Variants in SPACA7 observed in about 807,000 individuals in gnomAD.
SPACA7 encodes sperm acrosome associated 7.
SPACA7 carries 19 observed loss-of-function variants against 26.3 expected under a neutral mutation model. The ratio of observed to expected loss-of-function variants is 0.72; its 90% CI spans 0.50 to 1.06. SPACA7 has a LOEUF of 1.06. SPACA7 is among the 50% of genes least tolerant of loss of function. The pLI is 0.00. For synonymous variants in SPACA7, 84 were observed against 84.5 expected (o/e 0.99, Z 0.04); for missense variants, 211 against 229.9 (o/e 0.92, Z 0.53).
rs1444703519 is a variant in SPACA7, at chr13:112,376,355, A to G, written c.-31A>G. 6.2e-7 allele frequency: 1 copy of G among 1,604,242 alleles called. No individual in the cohort carries two copies. Among genetic ancestry groups the G allele is most frequent in the African/African-American group, 1.3e-5 (1 of 74,688 alleles). ...CAAGGATGGGAAACTGTCAACCTTC[A>G]GAACGTCCTTCTCCCTCAGCTGGAG... On this transcript the variant is annotated 5_prime_UTR_variant, in exon 1 of 7. Transcript: ENST00000283550.
intron 5 of SPACA7, among the ~76,000 whole-genome samples, chr13:112,417,204 A>T (rs536266673): frequency 6.6e-6 from 1 of 152,232 alleles, no homozygotes; most frequent in South Asian, 2.1e-4. Flanking sequence ...TATAACTTCA[A>T]ATATTCATTC....
At chr13:112,405,010 T>C (rs1430234671) in intron 5 of SPACA7, among the ~76,000 whole-genome samples, 1 of 136,962 alleles carries the variant, frequency 7.3e-6, no homozygotes, top group Non-Finnish European at 1.5e-5. Flanking sequence ...TTTAAGACAG[T>C]CTCGCTGTGT....
At chr13:112,426,797 T>C (rs1390666222) in intron 5 of SPACA7, among the ~76,000 whole-genome samples, 1 of 152,248 alleles carries the variant, frequency 6.6e-6, no homozygotes, top group Non-Finnish European at 1.5e-5. Flanking sequence ...TTGTAGATTC[T>C]TTTGGATTTT....
chr13:112,392,276 C>T (rs1884940421), intron 1 of SPACA7, among the ~76,000 whole-genome samples: 1 of 152,198 alleles, frequency 6.6e-6, no homozygotes, highest in Non-Finnish European at 1.5e-5. Flanking sequence ...CACCCACTCT[C>T]AGGGTCACTC....
chr13:112,409,336 A>G (rs1437844653), intron 5 of SPACA7, among the ~76,000 whole-genome samples: 1 of 152,250 alleles, frequency 6.6e-6, no homozygotes, highest in African/African-American at 2.4e-5. Flanking sequence ...CACCAAAAGC[A>G]ATGGCAACAA....
At chr13:112,381,877 C>T (rs548616579) in intron 1 of SPACA7, among the ~76,000 whole-genome samples, 25 of 152,250 alleles carry the variant, frequency 1.6e-4, no homozygotes, top group African/African-American at 5.5e-4. Flanking sequence ...AGGGCAGGAT[C>T]TGCAAAATAT....
At chr13:112,415,683 G>T (rs1210123713) in intron 5 of SPACA7, among the ~76,000 whole-genome samples, 6 of 152,124 alleles carry the variant, frequency 3.9e-5, no homozygotes, top group Non-Finnish European at 8.8e-5. Context: ...TGTTAAATTG[G>T]GTTGCATCCC....
chr13:112,407,969 A>G (rs1378228950), intron 5 of SPACA7, among the ~76,000 whole-genome samples: 10 of 152,332 alleles, frequency 6.6e-5, no homozygotes, highest in African/African-American at 2.4e-4. Flanking sequence ...AAAAATCCTC[A>G]ATAACACACT....
chr13:112,434,364 C>G lies in SPACA7; in HGVS notation c.524-121C>G. The G allele has an allele frequency of 3.7e-6, 3 of 801,276 alleles. No individual in the cohort carries two copies. The Admixed American group carries it at 6.4e-5, about 17-fold the overall frequency. The allele number at this position is 801,276 out of a possible 1,614,324, so 49.6% of individuals were successfully genotyped here. On this transcript the variant is annotated intron_variant, in intron 6 of 6. Coordinates refer to ENST00000283550, the MANE Select transcript of SPACA7 (RefSeq NM_145248.5). Reference sequence around the variant, plus strand: ...CCCCAGACACATCCGCAGGGCTCTCCCCTCCCTCCACAACTGAGGGCTTGG... The same window carrying G: ...CCCCAGACACATCCGCAGGGCTCTCGCCTCCCTCCACAACTGAGGGCTTGG...
chr13:112,383,108 AAGAAAAGAAAAGAAAAGAAAGAAAGAAAG>A lies in SPACA7; in HGVS notation c.94+6631_94+6659del, dbSNP rs1378194164. On this transcript the variant is annotated intron_variant, in intron 1 of 6. Coordinates refer to ENST00000283550, the MANE Select transcript of SPACA7 (RefSeq NM_145248.5). ...AAAGAAAGAAAGAAAGAAGAAAGAA[AAGAAAAGAAAAGAAAAGAAAGAAAGAAAG>A]AAAGAAAGAAAGAAAGAAAGAAAGA... 6.2e-3 allele frequency among the ~76,000 whole-genome samples: 100 copies of A among 16,106 alleles called. 2 individuals are homozygous for A. The highest frequency in any genetic ancestry group is 0.013 in the African/African-American group (92 of 6,824). The allele number at this position is 16,106 out of a possible 152,430, so 10.6% of individuals were successfully genotyped here. A position where few individuals can be genotyped will look rare whatever the true frequency, so the allele number is the denominator to read the frequency against.
chr13:112,389,971 T>C (rs1884771004), intron 1 of SPACA7, among the ~76,000 whole-genome samples: 1 of 152,262 alleles, frequency 6.6e-6, no homozygotes, highest in Admixed American at 6.5e-5. Context: ...CATCTGGATA[T>C]ATCAAAGCCT....
chr13:112,388,254 C>A (rs1884657169), intron 1 of SPACA7, among the ~76,000 whole-genome samples: 1 of 152,192 alleles, frequency 6.6e-6, no homozygotes, highest in South Asian at 2.1e-4. Context: ...TCCTCAAAAT[C>A]TTCCTGAGTG....
At chr13:112,376,841 G>A (rs1883730140) in intron 1 of SPACA7, among the ~76,000 whole-genome samples, 1 of 152,054 alleles carries the variant, frequency 6.6e-6, no homozygotes, top group Admixed American at 6.6e-5. Flanking sequence ...CTTGTTTGGG[G>A]AGTATTTTAG....
intron 5 of SPACA7, among the ~76,000 whole-genome samples, chr13:112,405,021 C>T (rs532169891): frequency 1.2e-4 from 16 of 134,614 alleles, no homozygotes; most frequent in Admixed American, 3.3e-4. Flanking sequence ...CTCGCTGTGT[C>T]GCCCAGGCAG....
intron 5 of SPACA7, among the ~76,000 whole-genome samples, chr13:112,427,237 G>A (rs374313186): frequency 3.3e-5 from 5 of 152,338 alleles, no homozygotes; most frequent in South Asian, 4.1e-4. Context: ...CAAAAGCAAC[G>A]TGAACAGTGT....
At chr13:112,383,063 A>G (rs1217985914) in intron 1 of SPACA7, among the ~76,000 whole-genome samples, 1 of 149,396 alleles carries the variant, frequency 6.7e-6, no homozygotes, top group Non-Finnish European at 1.5e-5. Flanking sequence ...AAAGAAAGAG[A>G]CAGAAAGAGA....
At chr13:112,433,573 A>G (rs1877411676) in intron 6 of SPACA7, among the ~76,000 whole-genome samples, 1 of 151,576 alleles carries the variant, frequency 6.6e-6, no homozygotes, top group Non-Finnish European at 1.5e-5. Flanking sequence ...GAAGCCGGCC[A>G]GCTCGTCCTT....
chr13:112,398,127 C>T lies in SPACA7; in HGVS notation c.230C>T (p.Ser77Leu). The T allele has an allele frequency of 6.2e-7, 1 of 1,613,302 alleles. No homozygotes were observed. Among genetic ancestry groups the T allele is most frequent in the Non-Finnish European group, 8.5e-7 (1 of 1,179,294 alleles). Residue 77 changes from serine (S) to leucine (L), a missense_variant, in exon 3 of 7, where the codon TCA becomes TTA. Physicochemically the swap from Ser to Leu is moderately radical, Grantham distance 145. Coordinates refer to ENST00000283550, the MANE Select transcript of SPACA7 (RefSeq NM_145248.5). ...ATGCCAAGTACAGCATCAACATTAT[C>T]AACACCGTTACGTAAGGAGAAAAGC... is the stretch of plus-strand genomic sequence containing the variant. The part of the protein sequence containing the change: ...SEMPSTASTL[S>L]TPLHAGIDEN...
intron 5 of SPACA7, among the ~76,000 whole-genome samples, chr13:112,419,930 A>G (rs1886910912): frequency 6.6e-6 from 1 of 152,192 alleles, no homozygotes; most frequent in Admixed American, 6.5e-5. Flanking sequence ...GGGAAATAGA[A>G]ACACTACGAA....
Sources: gnomAD v4.1 joint callset for allele counts (sites outside exome capture counted in the v4.1 genomes callset) on GRCh38, gnomAD v4.1.1 for gene constraint, MANE v1.5 for transcripts, NCBI Gene and HGNC (gene_info 2026-07-23, HGNC 2026-07-21) for gene names.